Variants in USO1 observed in about 807,000 individuals in gnomAD.
The protein encoded by USO1 is USO1 vesicle transport factor.
USO1 carries 57 observed loss-of-function variants against 124.5 expected under a neutral mutation model. The observed-to-expected ratio is 0.46, with a 90% CI of 0.37 to 0.57. The LOEUF is 0.57. Among genes scored for constraint, USO1 ranks in the 20% least tolerant of loss-of-function variants. The pLI, the probability that USO1 is intolerant of heterozygous loss-of-function variation, is 0.00. For missense variants in USO1, 900 were observed against 1,040.6 expected (o/e 0.86, Z 1.86); for synonymous variants, 369 against 362.8 (o/e 1.02, Z -0.19).
chr4:75,748,373 G>A (rs1279448904), intron 1 of USO1, among the ~76,000 whole-genome samples: 1 of 151,718 alleles, frequency 6.6e-6, no homozygotes, highest in Non-Finnish European at 1.5e-5. Context: ...TAGTTTAGTA[G>A]GGACGGGGTT....
At chr4:75,793,417 T>A (rs1482047634) in intron 12 of USO1, among the ~76,000 whole-genome samples, 1 of 151,982 alleles carries the variant, frequency 6.6e-6, no homozygotes, top group Non-Finnish European at 1.5e-5. Context: ...AGTGCGAGAA[T>A]TACAGGCGTG....
chr4:75,788,683 C>T (rs1299120559), intron 10 of USO1, among the ~76,000 whole-genome samples: 2 of 151,656 alleles, frequency 1.3e-5, no homozygotes, highest in African/African-American at 4.8e-5. Context: ...GCTGGGATTA[C>T]AGGCGACTGC....
intron 12 of USO1, among the ~76,000 whole-genome samples, chr4:75,792,780 C>A (rs889963785): frequency 6.6e-6 from 1 of 152,044 alleles, no homozygotes. Flanking sequence ...CTTATTCATT[C>A]TTTCTAACAA....
In USO1 at chr4:75,793,750, C is replaced by G. The variant is rs1222621264; in HGVS notation, c.1301C>G (p.Ser434Ter). 4 of 1,613,518 alleles carry G rather than the reference C, an allele frequency of 2.5e-6. No individual in the cohort carries two copies. The highest frequency in any genetic ancestry group is 3.4e-6 in the Non-Finnish European group (4 of 1,179,678). ...TGTGGAGGTTTGTTTTCTACTGATT[C>G]ACTTTCAAACTGGTGTGCTGCTGTG... Reference protein sequence around the residue: ...LLCGGLFSTDSLSNWCAAVAL... With the variant: ...LLCGGLFSTD The change falls in exon 13 of 24, where the codon TCA becomes TGA. Residue 434 changes from serine (S) to a stop codon, truncating the protein, a stop_gained. Coordinates refer to ENST00000514213, the MANE Select transcript of USO1 (RefSeq NM_003715.4). LOFTEE classifies it high-confidence loss of function.
intron 4 of USO1, among the ~76,000 whole-genome samples, chr4:75,762,158 ATTTTACTT>A: frequency 7.1e-6 from 1 of 141,140 alleles, no homozygotes; most frequent in Admixed American, 7.4e-5. Context: ...TAGAAGAACA[ATTTTACTT>A]TTTTTTTTTT....
chr4:75,812,166 A>G lies in USO1; in HGVS notation c.2590A>G (p.Ile864Val), dbSNP rs1357492145. 4 of 1,600,680 alleles carry G rather than the reference A, an allele frequency of 2.5e-6. No homozygotes were observed. Among genetic ancestry groups the G allele is most frequent in the African/African-American group, 1.3e-5 (1 of 74,704 alleles). Reference sequence around the variant, plus strand: ...TTCACCTTTCTTTTCCTAGAATGAAATTAAAGCTCTGTCTGAGGAAAGAAC... The same window carrying G: ...TTCACCTTTCTTTTCCTAGAATGAAGTTAAAGCTCTGTCTGAGGAAAGAAC... ...LQETKELKNE[I>V]KALSEERTAI... The change falls in exon 23 of 24, where the codon ATT (isoleucine) becomes GTT (valine). Residue 864 changes from isoleucine (I) to valine (V), a missense_variant. Physicochemically the swap from Ile to Val is conservative, Grantham distance 29 (BLOSUM62 3). Transcript: ENST00000514213.
intron 1 of USO1, among the ~76,000 whole-genome samples, chr4:75,744,726 C>G (rs1336568684): frequency 6.6e-6 from 1 of 152,142 alleles, no homozygotes; most frequent in East Asian, 1.9e-4. Context: ...AGCCCCTATC[C>G]TTTTTGTTTT....
chr4:75,768,862 A>C (rs1721843263), intron 4 of USO1, among the ~76,000 whole-genome samples: 1 of 152,172 alleles, frequency 6.6e-6, no homozygotes, highest in Non-Finnish European at 1.5e-5. Context: ...TTCTCCACTG[A>C]TATCTATGTT....
At chr4:75,781,061 G>A (rs1197185875) in intron 8 of USO1, among the ~76,000 whole-genome samples, 1 of 152,058 alleles carries the variant, frequency 6.6e-6, no homozygotes, top group Non-Finnish European at 1.5e-5. Flanking sequence ...TTCTGGAAAC[G>A]ATTTGCCATT....
At position 75,791,617 on chromosome 4, in the gene USO1, C is replaced by G. The variant is rs371599880; in HGVS notation, c.1240+820C>G. Among the ~76,000 whole-genome samples, 10 of 152,226 alleles carry G rather than the reference C, an allele frequency of 6.6e-5. No homozygotes were observed. The East Asian group carries it at 1.2e-3, about 18-fold the overall frequency. ...TCTAGTATAGGTTAGAGTCATTACC[C>G]TTTTTATGGGGTCTTTAAATATTTC... On this transcript the variant is annotated intron_variant, in intron 12 of 23. Coordinates refer to ENST00000514213, the MANE Select transcript of USO1 (RefSeq NM_003715.4).
intron 1 of USO1, among the ~76,000 whole-genome samples, chr4:75,747,840 C>G (rs1341947470): frequency 6.7e-6 from 1 of 148,726 alleles, no homozygotes; most frequent in Admixed American, 6.8e-5. Flanking sequence ...TGGTCTCGAT[C>G]TCCTGACCTC....
intron 4 of USO1, among the ~76,000 whole-genome samples, chr4:75,759,545 GATTGTGCCA>G (rs1266362791): frequency 1.3e-5 from 2 of 151,008 alleles, no homozygotes; most frequent in East Asian, 3.9e-4. Flanking sequence ...AGTGAGCCGA[GATTGTGCCA>G]TTGCACTTCA....
At chr4:75,743,779 A>G (rs1721033998) in intron 1 of USO1, among the ~76,000 whole-genome samples, 1 of 152,114 alleles carries the variant, frequency 6.6e-6, no homozygotes, top group Non-Finnish European at 1.5e-5. Context: ...GACATCACAT[A>G]CAAGCCCTTT....
intron 8 of USO1, among the ~76,000 whole-genome samples, chr4:75,775,783 G>GA (rs1722057613): frequency 1.3e-5 from 2 of 152,040 alleles, no homozygotes; most frequent in South Asian, 4.2e-4. Context: ...TGGAAGAAAC[G>GA]AAAATCTCTA....
chr4:75,801,932 G>T (rs1254473186), intron 17 of USO1, among the ~76,000 whole-genome samples: 2 of 152,212 alleles, frequency 1.3e-5, no homozygotes, highest in African/African-American at 4.8e-5. Context: ...CAATTCTCTT[G>T]CCTCAGCCTC....
intron 4 of USO1, among the ~76,000 whole-genome samples, 162 bp downstream of exon 4, chr4:75,757,735 T>A (rs1358893807): frequency 2.8e-4 from 43 of 152,096 alleles, no homozygotes; most frequent in Admixed American, 2.8e-3. Context: ...TCTAGAAAAG[T>A]GTCTTTAGGA....
chr4:75,809,582 C>CA (rs1723088282), intron 21 of USO1, among the ~76,000 whole-genome samples: 1 of 152,194 alleles, frequency 6.6e-6, no homozygotes, highest in Non-Finnish European at 1.5e-5. Flanking sequence ...CTGCTGTCCA[C>CA]AAAACACTGC....
Position 75,771,079 on chromosome 4 carries a change from T to C in USO1, c.500-3T>C, listed in dbSNP as rs996745028. ...GCATTTTTCACATGGTTGTATGTTC[T>C]AGGTGTTTCAAGATTGATGGACTTA... On this transcript the variant is annotated splice_region_variant and splice_polypyrimidine_tract_variant and intron_variant, in intron 6 of 23. Coordinates refer to ENST00000514213, the MANE Select transcript of USO1 (RefSeq NM_003715.4). 6 of 1,611,592 alleles carry C rather than the reference T, an allele frequency of 3.7e-6. No homozygotes were observed. The African/African-American group carries it at 8.0e-5, about 22-fold the overall frequency.
intron 5 of USO1, 66 bp downstream of exon 5, chr4:75,770,605 T>C (rs1299641824): frequency 5.3e-6 from 8 of 1,509,520 alleles, no homozygotes; most frequent in Non-Finnish European, 6.2e-6. Context: ...TTGGATGTTA[T>C]TGAGGAAGTA....
Sources: gnomAD v4.1 joint callset for allele counts (sites outside exome capture counted in the v4.1 genomes callset) on GRCh38, gnomAD v4.1.1 for gene constraint, MANE v1.5 for transcripts, NCBI Gene and HGNC (gene_info 2026-07-23, HGNC 2026-07-21) for gene names.